The following AP1M1 variants were observed in gnomAD, a reference collection of about 807,000 sequenced individuals.
The protein encoded by AP1M1 is adaptor related protein complex 1 subunit mu 1, also known as AP-1 complex subunit mu-1.
AP1M1 carries 18 observed loss-of-function variants against 57.1 expected under a neutral mutation model. The observed-to-expected ratio is 0.32, with a 90% CI of 0.22 to 0.47. The LOEUF is 0.47. Ranked by LOEUF, AP1M1 falls within the 20% of genes least tolerant of loss-of-function variation. The pLI is 1.00. For synonymous variants in AP1M1, 241 were observed against 237.9 expected, an observed-to-expected ratio of 1.01 and a Z score of -0.12; for missense variants, 362 against 593.5, an observed-to-expected ratio of 0.61 and a Z score of 4.05.
Position 16,199,558 on chromosome 19 carries a change from G to C in AP1M1, c.42+1490G>C, listed in dbSNP as rs529520880. On this transcript the variant is annotated intron_variant, in intron 1 of 11. Coordinates refer to ENST00000291439, the MANE Select transcript of AP1M1 (RefSeq NM_032493.4). ...GCGGGCAGGGGTGAGCCCTAAAGCA[G>C]CTGAGAGTGAAGAGGTGAAATGGCT... 5.9e-5 allele frequency among the ~76,000 whole-genome samples: 9 copies of C among 152,294 alleles called. No homozygotes were observed. The South Asian group carries it at 1.9e-3, about 32-fold the overall frequency.
In AP1M1 at chr19:16,243,930, G is replaced by C. The variant is rs187901229; in HGVS notation, c.*9495G>C. 6.6e-6 allele frequency: 1 copy of C among 152,154 alleles called. No individual in the cohort carries two copies. The highest frequency in any genetic ancestry group is 1.5e-5 in the Non-Finnish European group (1 of 68,044). The allele number at this position is 152,154 out of a possible 1,614,324, so 9.4% of individuals were successfully genotyped here. On this transcript the variant is annotated 3_prime_UTR_variant, in exon 12 of 12. Transcript: ENST00000291439. ...TGCACTCCAGCCTGGGCAACGAAAC[G>C]AGAGTCTGTCTCCAAATAAATAATT...
At chr19:16,213,904 G>A (rs2091506318) in intron 5 of AP1M1, among the ~76,000 whole-genome samples, 1 of 152,186 alleles carries the variant, frequency 6.6e-6, no homozygotes, top group African/African-American at 2.4e-5. Flanking sequence ...TTCAAGGTTA[G>A]TATTGATATG....
Position 16,197,977 on chromosome 19 carries a change from G to C in AP1M1, c.-50G>C. The stretch of plus-strand genomic sequence containing the variant: ...TCAACGCCCAGCAGTCCCCACCGTC[G>C]CTGCCGCCGCCACCGCCCTCGGCCG... On this transcript the variant is annotated 5_prime_UTR_variant, in exon 1 of 12. Transcript: ENST00000291439. 6.6e-7 allele frequency: 1 copy of C among 1,520,794 alleles called. No individual in the cohort carries two copies. The highest frequency in any genetic ancestry group is 2.7e-5 in the East Asian group (1 of 37,416). The allele number at this position is 1,520,794 out of a possible 1,614,324, so 94.2% of individuals were successfully genotyped here.
chr19:16,214,992 A>T (rs1402717924), intron 5 of AP1M1, among the ~76,000 whole-genome samples: 2 of 147,312 alleles, frequency 1.4e-5, no homozygotes, highest in Non-Finnish European at 3.0e-5. Flanking sequence ...CAGGCACTCC[A>T]CCCACCTCGG....
rs749111664 is a variant in AP1M1 at position 16,203,818 on chromosome 19, G to A, written c.199+203G>A. On this transcript the variant is annotated intron_variant, in intron 2 of 11. Coordinates refer to ENST00000291439, the MANE Select transcript of AP1M1 (RefSeq NM_032493.4). The surrounding 1 kb of genome is among the most constrained non-coding windows in gnomAD (Gnocchi z 4.6). ...GTGATGGGTGTGGGGAGAGGAGCAG[G>A]TGTGACTTGAACCTCTTCAGCCCAG... is the stretch of plus-strand genomic sequence containing the variant. Among the ~76,000 whole-genome samples, 1 of 152,176 alleles carries A rather than the reference G, an allele frequency of 6.6e-6. No individual in the cohort carries two copies. Among genetic ancestry groups the A allele is most frequent in the South Asian group, 2.1e-4 (1 of 4,834 alleles).
chr19:16,223,536 T>A (rs1368245192), intron 5 of AP1M1, among the ~76,000 whole-genome samples: 3 of 152,106 alleles, frequency 2.0e-5, no homozygotes, highest in Non-Finnish European at 4.4e-5. Flanking sequence ...CCCCACCCCC[T>A]CGGAACAGTA....
At chr19:16,199,930 G>A (rs2091440396) in intron 1 of AP1M1, among the ~76,000 whole-genome samples, 1 of 152,216 alleles carries the variant, frequency 6.6e-6, no homozygotes, top group Admixed American at 6.5e-5. Flanking sequence ...TTGGCGCCAT[G>A]GCTGTGGTGT....
chr19:16,221,689 A>C (rs115471900), intron 5 of AP1M1, among the ~76,000 whole-genome samples: 1,818 of 152,344 alleles, frequency 0.012, 44 homozygotes, highest in African/African-American at 0.041. Flanking sequence ...ATTTCGGTTA[A>C]AGTACAAGGA....
intron 4 of AP1M1, 92 bp from the exon 5 acceptor site, chr19:16,208,938 C>T (rs938881428): frequency 2.7e-6 from 4 of 1,481,392 alleles, no homozygotes; most frequent in Admixed American, 2.1e-5. Context: ...CTGCCCTGTA[C>T]CCCCCACCCA....
intron 9 of AP1M1, among the ~76,000 whole-genome samples, chr19:16,232,751 C>T (rs2091604519): frequency 6.6e-6 from 1 of 152,244 alleles, no homozygotes; most frequent in Non-Finnish European, 1.5e-5. Context: ...GGCCTGAGCC[C>T]TGGGGAGCAG....
intron 5 of AP1M1, among the ~76,000 whole-genome samples, chr19:16,226,033 G>A (rs1044682238): frequency 3.3e-5 from 5 of 152,164 alleles, no homozygotes; most frequent in African/African-American, 9.7e-5. Flanking sequence ...GGGCCGGCCC[G>A]GAGCATTCAG....
At position 16,240,754 on chromosome 19, in the gene AP1M1, A is replaced by T. The variant is rs2091642858; in HGVS notation, c.*6319A>T. 1 of 151,964 alleles carries T rather than the reference A, an allele frequency of 6.6e-6. No homozygotes were observed. 9.4% of individuals were successfully genotyped at this position (151,964 alleles called of 1,614,324 possible). On this transcript the variant is annotated 3_prime_UTR_variant, in exon 12 of 12. Coordinates refer to ENST00000291439, the MANE Select transcript of AP1M1 (RefSeq NM_032493.4). ...CATGAGCCACTGCGCCCAGCCTGAA[A>T]ATCTTGAAATTTTAAGATCCAGGAA...
intron 2 of AP1M1, among the ~76,000 whole-genome samples, chr19:16,205,415 A>G (rs1286784454): frequency 6.6e-6 from 1 of 152,200 alleles, no homozygotes; most frequent in Non-Finnish European, 1.5e-5. Context: ...CTTATAAAGC[A>G]TCTGGGGAGG....
At position 16,203,333 on chromosome 19, in the gene AP1M1, T is replaced by G; in HGVS notation, c.43-126T>G. The G allele has an allele frequency of 3.3e-6, 3 of 914,490 alleles. No homozygotes were observed. The highest frequency in any genetic ancestry group is 5.1e-6 in the Non-Finnish European group (3 of 589,052). The allele number at this position is 914,490 out of a possible 1,614,324, so 56.6% of individuals were successfully genotyped here. ...AGAACGGCCTCAAGTCCTGCTCTTT[T>G]GCGGATAGTGGCCATGACCGGAGTC... On this transcript the variant is annotated intron_variant, in intron 1 of 11. Coordinates refer to ENST00000291439, the MANE Select transcript of AP1M1 (RefSeq NM_032493.4). The surrounding 1 kb of genome is among the most constrained non-coding windows in gnomAD (Gnocchi z 4.6).
intron 5 of AP1M1, among the ~76,000 whole-genome samples, chr19:16,213,464 G>T (rs1430977636): frequency 6.6e-6 from 1 of 151,756 alleles, no homozygotes; most frequent in Non-Finnish European, 1.5e-5. Flanking sequence ...TCTTCATTTT[G>T]AGTCTGTGGG....
In AP1M1 at chr19:16,228,631, G is replaced by A; in HGVS notation, c.889-139G>A. 2.4e-6 allele frequency: 2 copies of A among 822,334 alleles called. No homozygotes were observed. Among genetic ancestry groups the A allele is most frequent in the Non-Finnish European group, 3.8e-6 (2 of 521,232 alleles). The allele number at this position is 822,334 out of a possible 1,614,324, so 50.9% of individuals were successfully genotyped here. On this transcript the variant is annotated intron_variant, in intron 8 of 11. Coordinates refer to ENST00000291439, the MANE Select transcript of AP1M1 (RefSeq NM_032493.4). This position sits in a 1 kb window ranked among gnomAD's most constrained non-coding sequence, Gnocchi z 5.0. ...GAGTCTCGAGGGCAGGAGAAGGGGT[G>A]GGTAGTGCCTGGAGAAGTGGGGCCA...
chr19:16,217,578 G>T (rs924976474), intron 5 of AP1M1, among the ~76,000 whole-genome samples: 1 of 152,072 alleles, frequency 6.6e-6, no homozygotes, highest in African/African-American at 2.4e-5. Flanking sequence ...CTCTGATGCC[G>T]CCCCCAAGAG....
chr19:16,208,339 C>T (rs1013069076), intron 4 of AP1M1, 190 bp downstream of exon 4: 5 of 534,008 alleles, frequency 9.4e-6, no homozygotes, highest in Non-Finnish European at 1.6e-5. Flanking sequence ...TCTACGCCCC[C>T]ACATAACCGT....
At chr19:16,221,891 G>T (rs961990365) in intron 5 of AP1M1, among the ~76,000 whole-genome samples, 1 of 151,984 alleles carries the variant, frequency 6.6e-6, no homozygotes, top group Non-Finnish European at 1.5e-5. Flanking sequence ...TCTCCATGTC[G>T]ATCAGGCTGG....
Sources: gnomAD v4.1 joint callset for allele counts (sites outside exome capture counted in the v4.1 genomes callset) on GRCh38, gnomAD v4.1.1 for gene constraint, Gnocchi (gnomAD v3.1) non-coding constraint, MANE v1.5 for transcripts, NCBI Gene and HGNC (gene_info 2026-07-23, HGNC 2026-07-21) for gene names.